Variants in PPARGC1A observed in about 807,000 individuals in gnomAD.
PPARGC1A encodes PPARG coactivator 1 alpha.
PPARGC1A carries 25 observed loss-of-function variants against 88.7 expected under a neutral mutation model. The observed-to-expected ratio is 0.28, with a 90% CI of 0.21 to 0.39. PPARGC1A has a LOEUF of 0.39. Among genes scored for constraint, PPARGC1A ranks in the 10% least tolerant of loss-of-function variants. PPARGC1A has a pLI of 1.00. For synonymous variants in PPARGC1A, 363 were observed against 355.6 expected (o/e 1.02, Z -0.24); for missense variants, 880 against 968.7 (o/e 0.91, Z 1.22).
the PPARGC1A span, among the ~76,000 whole-genome samples, chr4:24,431,715 T>C: frequency 6.6e-6 from 1 of 152,234 alleles, no homozygotes; most frequent in Non-Finnish European, 1.5e-5. Context: ...CATATTTGTG[T>C]CCTGTTTCCT....
At chr4:24,466,941 AG>A in the PPARGC1A span, among the ~76,000 whole-genome samples, 1 of 146,502 alleles carries the variant, frequency 6.8e-6, no homozygotes, top group Non-Finnish European at 1.5e-5. Context: ...AGGGAGAGAA[AG>A]AAAAAGAAAA....
At chr4:24,226,482 C>G in the PPARGC1A span, among the ~76,000 whole-genome samples, 1 of 152,230 alleles carries the variant, frequency 6.6e-6, no homozygotes, top group South Asian at 2.1e-4. Flanking sequence ...ATTCCCCAGT[C>G]AGCAGCTTTC....
At chr4:24,388,895 CCA>C in the PPARGC1A span, among the ~76,000 whole-genome samples, 59 of 152,242 alleles carry the variant, frequency 3.9e-4, no homozygotes, top group Non-Finnish European at 7.8e-4. Flanking sequence ...GTGCAGCAAA[CCA>C]CCATGGCACG....
chr4:24,019,372 T>C, the PPARGC1A span, among the ~76,000 whole-genome samples: 1 of 152,190 alleles, frequency 6.6e-6, no homozygotes, highest in African/African-American at 2.4e-5. Context: ...TAACTCCAGT[T>C]TTACAGGTTA....
chr4:24,039,321 C>A, the PPARGC1A span, among the ~76,000 whole-genome samples: 1 of 152,022 alleles, frequency 6.6e-6, no homozygotes, highest in African/African-American at 2.4e-5. Flanking sequence ...CACACAATTG[C>A]AAGGAGTTGA....
At chr4:24,379,945 A>T in the PPARGC1A span, among the ~76,000 whole-genome samples, 1 of 151,848 alleles carries the variant, frequency 6.6e-6, no homozygotes, top group East Asian at 2.0e-4. Context: ...CACCTGGCTA[A>T]TTTTGTATTT....
At chr4:23,899,937 C>G (rs1719091650), upstream of PPARGC1A, among the ~76,000 whole-genome samples, 1 of 151,354 alleles carries the variant, frequency 6.6e-6, no homozygotes, top group South Asian at 2.1e-4. Context: ...ACTTCGATAA[C>G]AAGTTTAAAA....
At chr4:24,409,081 C>T in the PPARGC1A span, among the ~76,000 whole-genome samples, 1 of 152,152 alleles carries the variant, frequency 6.6e-6, no homozygotes. Context: ...CATAGAAAGT[C>T]ATTATATTCT....
the PPARGC1A span, among the ~76,000 whole-genome samples, chr4:24,038,201 G>A: frequency 6.6e-6 from 1 of 152,144 alleles, no homozygotes; most frequent in African/African-American, 2.4e-5. Flanking sequence ...ATAACATAAA[G>A]TGCCTAGGGC....
the PPARGC1A span, among the ~76,000 whole-genome samples, chr4:24,023,822 A>G: frequency 2.9e-5 from 4 of 138,480 alleles, no homozygotes; most frequent in South Asian, 8.9e-4. Flanking sequence ...TAGAAATACT[A>G]AGTGGCAAAA....
At chr4:24,436,702 G>A in the PPARGC1A span, among the ~76,000 whole-genome samples, 367 of 49,596 alleles carry the variant, frequency 7.4e-3, 4 homozygotes, top group Middle Eastern at 0.026. Context: ...CCCAGAGCCC[G>A]GGTCACAGAG....
the PPARGC1A span, among the ~76,000 whole-genome samples, chr4:24,259,810 T>C: frequency 6.6e-6 from 1 of 152,182 alleles, no homozygotes; most frequent in Non-Finnish European, 1.5e-5. Flanking sequence ...TAATTACTAA[T>C]AAATGAATTT....
At chr4:24,049,305 T>C in the PPARGC1A span, among the ~76,000 whole-genome samples, 3 of 32,256 alleles carry the variant, frequency 9.3e-5, no homozygotes, top group Non-Finnish European at 3.1e-4. Flanking sequence ...TATATATATG[T>C]GTGTATATAT....
At chr4:23,856,343 G>C (rs1455867425) in intron 2 of PPARGC1A, among the ~76,000 whole-genome samples, 1 of 152,194 alleles carries the variant, frequency 6.6e-6, no homozygotes, top group African/African-American at 2.4e-5. Flanking sequence ...ATTAGTCATT[G>C]CAAACACTGT....
chr4:24,087,703 T>C, the PPARGC1A span, among the ~76,000 whole-genome samples: 1 of 152,236 alleles, frequency 6.6e-6, no homozygotes, highest in African/African-American at 2.4e-5. Context: ...TCTCTGTCCC[T>C]GAGTGCTCTC....
the PPARGC1A span, among the ~76,000 whole-genome samples, chr4:24,194,313 A>G: frequency 5.3e-5 from 8 of 152,276 alleles, no homozygotes; most frequent in African/African-American, 1.9e-4. Context: ...ATCCAATTAA[A>G]TAACCAGACA....
chr4:24,456,480 C>T, the PPARGC1A span, among the ~76,000 whole-genome samples: 25 of 152,162 alleles, frequency 1.6e-4, no homozygotes, highest in African/African-American at 3.6e-4. Flanking sequence ...TGCTAGATGA[C>T]GCTGAAGTTG....
At chr4:23,945,073 T>C in the PPARGC1A span, among the ~76,000 whole-genome samples, 13 of 152,166 alleles carry the variant, frequency 8.5e-5, no homozygotes, top group Non-Finnish European at 1.3e-4. Flanking sequence ...GGCTAGTATG[T>C]ATAAAGCCCA....
intron 2 of PPARGC1A, among the ~76,000 whole-genome samples, chr4:23,841,572 C>G (rs936734835): frequency 1.3e-5 from 2 of 151,846 alleles, no homozygotes; most frequent in African/African-American, 4.8e-5. Flanking sequence ...ATTAAGCAGC[C>G]AAATTGAATC....
Sources: allele counts gnomAD v4.1 joint callset (sites outside exome capture counted in the v4.1 genomes callset), GRCh38; gene constraint gnomAD v4.1.1; transcripts MANE v1.5; gene names NCBI Gene and HGNC (gene_info 2026-07-23, HGNC 2026-07-21).